Variants in SUCO observed in about 807,000 individuals in gnomAD.
The protein encoded by SUCO is SUN domain containing ossification factor.
SUCO carries 57 observed loss-of-function variants against 148.1 expected under a neutral mutation model. The ratio of observed to expected loss-of-function variants is 0.38; its 90% CI spans 0.31 to 0.48. The LOEUF (loss-of-function observed/expected upper bound fraction) is 0.48. Ranked by LOEUF, SUCO falls within the 20% of genes least tolerant of loss-of-function variation. The pLI, the probability that SUCO is intolerant of heterozygous loss-of-function variation, is 0.96. For synonymous variants in SUCO, 470 were observed against 502.7 expected (o/e 0.93, Z 0.87); for missense variants, 1,331 against 1,468.2 (o/e 0.91, Z 1.53).
rs370074168 is a variant in SUCO at position 172,553,464 on chromosome 1, TA to T, written c.288+95del. 3.0e-5 allele frequency: 24 copies of T among 809,256 alleles called. No homozygotes were observed. The African/African-American group carries it at 3.5e-4, about 12-fold the overall frequency. 50.1% of individuals were successfully genotyped at this position (809,256 alleles called of 1,614,324 possible). A position where few individuals can be genotyped will look rare whatever the true frequency, so the allele number is the denominator to read the frequency against. Reference sequence around the variant, plus strand: ...GGTCACCATATTGTGTGTGTATTGTTAGTTTTTTCACTTTGAGGTACTCTGT... The same window carrying T: ...GGTCACCATATTGTGTGTGTATTGTTGTTTTTTCACTTTGAGGTACTCTGT... On this transcript the variant is annotated intron_variant, in intron 3 of 23. Coordinates refer to ENST00000263688, the MANE Select transcript of SUCO (RefSeq NM_014283.5).
intron 3 of SUCO, chr1:172,555,276 G>A: frequency 2.6e-6 from 1 of 382,362 alleles, no homozygotes; most frequent in Non-Finnish European, 3.6e-6. Flanking sequence ...AGGGGAAAGG[G>A]AGTAGTTAAT....
chr1:172,586,053 A>G, intron 17 of SUCO, 105 bp downstream of exon 17: 1 of 684,462 alleles, frequency 1.5e-6, no homozygotes, highest in Non-Finnish European at 2.4e-6. Context: ...GATTACCTGT[A>G]GAGAGCTCTG....
At chr1:172,553,870 T>A (rs1049047115) in intron 3 of SUCO, among the ~76,000 whole-genome samples, 2 of 152,192 alleles carry the variant, frequency 1.3e-5, no homozygotes, top group South Asian at 4.1e-4. Context: ...TGAAAAATAC[T>A]AAAAACTAGA....
intron 9 of SUCO, among the ~76,000 whole-genome samples, chr1:172,572,489 T>C (rs1655103745): frequency 6.6e-6 from 1 of 151,904 alleles, no homozygotes; most frequent in South Asian, 2.1e-4. Context: ...GTTAAACAGA[T>C]GCTTGAAGGC....
intron 19 of SUCO, among the ~76,000 whole-genome samples, chr1:172,597,372 G>A (rs1351517932): frequency 2.0e-5 from 3 of 152,206 alleles, no homozygotes; most frequent in Non-Finnish European, 4.4e-5. Flanking sequence ...GCTGATGCTG[G>A]GGGCTGTAGA....
chr1:172,585,911 G>C lies in SUCO; in HGVS notation c.1621G>C (p.Glu541Gln). The C allele has an allele frequency of 1.2e-6, 2 of 1,611,154 alleles. No homozygotes were observed. Among genetic ancestry groups the C allele is most frequent in the Non-Finnish European group, 1.7e-6 (2 of 1,178,612 alleles). ...ATATAAPKMP[E>Q]STPVSTPVPS... ...TGCCACAGCTGCACCTAAAATGCCTGAATCAACTCCTGTTTCAACTCCTGT... is the reference window on the plus strand; with the variant it reads ...TGCCACAGCTGCACCTAAAATGCCTCAATCAACTCCTGTTTCAACTCCTGT... Residue 541 changes from glutamate to glutamine, a missense_variant, in exon 17 of 24, where the codon GAA becomes CAA. Transcript: ENST00000263688.
In SUCO at chr1:172,590,964, G is replaced by T; in HGVS notation, c.2826-20G>T. 6.4e-7 allele frequency: 1 copy of T among 1,566,070 alleles called. No homozygotes were observed. Among genetic ancestry groups the T allele is most frequent in the South Asian group, 1.1e-5 (1 of 88,296 alleles). On this transcript the variant is annotated intron_variant, in intron 18 of 23. Coordinates refer to ENST00000263688, the MANE Select transcript of SUCO (RefSeq NM_014283.5). ...TAAGTAAGAAATTAAAGCTGATTTA[G>T]ACCAATTCTTACTTCATAGGTACCG...
intron 19 of SUCO, among the ~76,000 whole-genome samples, chr1:172,599,217 T>C (rs986402215): frequency 6.6e-6 from 1 of 152,100 alleles, no homozygotes; most frequent in African/African-American, 2.4e-5. Flanking sequence ...TAGTCCCAGC[T>C]ACTCGGGAGG....
At chr1:172,540,966 G>C (rs1652408314) in intron 1 of SUCO, among the ~76,000 whole-genome samples, 1 of 152,094 alleles carries the variant, frequency 6.6e-6, no homozygotes, top group Admixed American at 6.6e-5. Flanking sequence ...CAAGAAAAGT[G>C]GTGTTGTGAG....
intron 1 of SUCO, chr1:172,542,930 G>T: frequency 1.0e-6 from 1 of 985,344 alleles, no homozygotes; most frequent in Non-Finnish European, 1.2e-6. Context: ...TCAAAAGAGG[G>T]AAGTGATTGA....
intron 6 of SUCO, among the ~76,000 whole-genome samples, chr1:172,568,733 A>G (rs1654735423): frequency 6.6e-6 from 1 of 152,136 alleles, no homozygotes; most frequent in Admixed American, 6.5e-5. Context: ...ATATATGAGT[A>G]ATTGTTTGCT....
At chr1:172,569,282 T>C in intron 7 of SUCO, 140 bp downstream of exon 7, 1 of 1,061,548 alleles carries the variant, frequency 9.4e-7, no homozygotes. Context: ...CAAGTTGCTG[T>C]TGATCCATCC....
At chr1:172,605,203 GT>G (rs376220462) in intron 22 of SUCO, among the ~76,000 whole-genome samples, 42 of 151,866 alleles carry the variant, frequency 2.8e-4, no homozygotes, top group African/African-American at 9.9e-4. Context: ...TGTCTATTGT[GT>G]TTTTGTTGCC....
At chr1:172,553,855 CTT>C (rs1295186016) in intron 3 of SUCO, among the ~76,000 whole-genome samples, 1 of 152,146 alleles carries the variant, frequency 6.6e-6, no homozygotes, top group East Asian at 1.9e-4. Context: ...GTGCACCAGA[CTT>C]TATGAAAAAT....
chr1:172,564,981 A>G (rs1461527020), intron 6 of SUCO, among the ~76,000 whole-genome samples: 1 of 152,214 alleles, frequency 6.6e-6, no homozygotes, highest in Non-Finnish European at 1.5e-5. Flanking sequence ...CCTACCAGAC[A>G]TTAGAATTTT....
In SUCO at chr1:172,608,402, C is replaced by T. The variant is rs796520327; in HGVS notation, c.3266-345C>T. On this transcript the variant is annotated intron_variant, in intron 22 of 23. Coordinates refer to ENST00000263688, the MANE Select transcript of SUCO (RefSeq NM_014283.5). ...GATCTGTAGGTTTGGTGTGAGCTTA[C>T]CCAGGAATGTTTCTTTTCTTATCAG... 5 of 276,382 alleles carry T rather than the reference C, an allele frequency of 1.8e-5. No individual in the cohort carries two copies. In the South Asian group the frequency reaches 2.1e-4, roughly 12 times the overall value. 17.1% of individuals were successfully genotyped at this position (276,382 alleles called of 1,614,324 possible).
intron 19 of SUCO, among the ~76,000 whole-genome samples, chr1:172,596,371 T>C (rs549827530): frequency 6.6e-6 from 1 of 152,350 alleles, no homozygotes; most frequent in Non-Finnish European, 1.5e-5. Flanking sequence ...CTCTCATTTT[T>C]AGAATTTTCA....
chr1:172,593,383 T>A (rs956540497), intron 19 of SUCO, among the ~76,000 whole-genome samples: 2 of 152,162 alleles, frequency 1.3e-5, no homozygotes, highest in Non-Finnish European at 2.9e-5. Context: ...CCAGTTTTTG[T>A]CCATTCAGTA....
At chr1:172,607,562 A>G (rs1354669423) in intron 22 of SUCO, among the ~76,000 whole-genome samples, 4 of 151,894 alleles carry the variant, frequency 2.6e-5, no homozygotes, top group African/African-American at 7.2e-5. Context: ...TTTCAGGGCA[A>G]AAATGACTTT....
Sources: gnomAD v4.1 joint callset for allele counts (sites outside exome capture counted in the v4.1 genomes callset) on GRCh38, gnomAD v4.1.1 for gene constraint, MANE v1.5 for transcripts, NCBI Gene and HGNC (gene_info 2026-07-23, HGNC 2026-07-21) for gene names.